Variants in DMXL1 observed in about 807,000 individuals in gnomAD.
The protein encoded by DMXL1 is Dmx like 1.
Under a neutral mutation model 319.2 loss-of-function variants are expected in DMXL1, and 99 were observed. The ratio of observed to expected loss-of-function variants is 0.31; its 90% CI spans 0.26 to 0.37. The LOEUF (loss-of-function observed/expected upper bound fraction) is 0.37, where lower values mean the gene tolerates loss of function less well. DMXL1 is among the 10% of genes least tolerant of loss of function. The pLI, the probability that DMXL1 is intolerant of heterozygous loss-of-function variation, is 1.00. For missense variants in DMXL1, 3,745 were observed against 3,595.6 expected (o/e 1.04, Z -1.06); for synonymous variants, 1,385 against 1,235.2 (o/e 1.12, Z -2.54).
chr5:119,073,323 A>G lies in DMXL1; in HGVS notation c.87+1667A>G, dbSNP rs550811999. 3.3e-5 allele frequency among the ~76,000 whole-genome samples: 5 copies of G among 152,268 alleles called. No individual in the cohort carries two copies. In the South Asian group the frequency reaches 1.0e-3, roughly 32 times the overall value. ...GTGATCCTCCCACTTCAGCCTCCCA[A>G]AATGCTAGGATTAGAGGCGTGAGCC... On this transcript the variant is annotated intron_variant, in intron 1 of 43. Transcript: ENST00000539542.
chr5:119,086,947 GGAATTTAT>G (rs1366585149), intron 1 of DMXL1, among the ~76,000 whole-genome samples: 1 of 151,918 alleles, frequency 6.6e-6, no homozygotes, highest in East Asian at 1.9e-4. Context: ...TATGTGTCCA[GGAATTTAT>G]CCACTCACTT....
chr5:119,101,327 C>G (rs1757231142), intron 2 of DMXL1, among the ~76,000 whole-genome samples: 1 of 151,952 alleles, frequency 6.6e-6, no homozygotes. Context: ...ATCCCTGATT[C>G]ATTCATTTAA....
At chr5:119,234,784 A>G (rs1393681115) in intron 39 of DMXL1, among the ~76,000 whole-genome samples, 1 of 152,170 alleles carries the variant, frequency 6.6e-6, no homozygotes, top group Non-Finnish European at 1.5e-5. Flanking sequence ...TGCCAACAGT[A>G]TTATATAACA....
At chr5:119,132,821 T>C in intron 10 of DMXL1, 3 of 544,604 alleles carry the variant, frequency 5.5e-6, no homozygotes, top group East Asian at 4.2e-5. Flanking sequence ...AATGATACTT[T>C]TATTTTTTGA....
chr5:119,206,718 TA>T, intron 33 of DMXL1, 115 bp from the exon 34 acceptor site: 1 of 599,428 alleles, frequency 1.7e-6, no homozygotes, highest in Non-Finnish European at 2.8e-6. Context: ...TAACTCCATA[TA>T]ATGTTCTTTT....
At chr5:119,216,639 A>G (rs1296397426) in intron 34 of DMXL1, among the ~76,000 whole-genome samples, 2 of 152,196 alleles carry the variant, frequency 1.3e-5, no homozygotes, top group East Asian at 3.8e-4. Flanking sequence ...AATTAACTGT[A>G]TCTCGGGAGG....
intron 34 of DMXL1, among the ~76,000 whole-genome samples, chr5:119,210,757 G>GTTTTTTTTTTTTTTTTTTT: frequency 1.1e-5 from 1 of 89,778 alleles, no homozygotes; most frequent in African/African-American, 4.1e-5. Context: ...TTTTTCTTTC[G>GTTTTTTTTTTTTTTTTTTT]TTTTTTTTTT....
At chr5:119,222,596 T>C (rs1241396134) in intron 37 of DMXL1, among the ~76,000 whole-genome samples, 1 of 152,208 alleles carries the variant, frequency 6.6e-6, no homozygotes, top group Non-Finnish European at 1.5e-5. Flanking sequence ...ATCTTTCTTG[T>C]TGGTCTCTTC....
intron 13 of DMXL1, among the ~76,000 whole-genome samples, chr5:119,140,222 A>G (rs1024010914): frequency 6.6e-6 from 1 of 152,226 alleles, no homozygotes; most frequent in Non-Finnish European, 1.5e-5. Flanking sequence ...CTAGAGAAGG[A>G]AAAACAAATC....
At chr5:119,240,519 A>C in intron 42 of DMXL1, 48 bp downstream of exon 42, 2 of 1,247,706 alleles carry the variant, frequency 1.6e-6, no homozygotes, top group African/African-American at 3.0e-5. Context: ...GGAAATTCAT[A>C]AGCTAAATAT....
intron 1 of DMXL1, among the ~76,000 whole-genome samples, chr5:119,083,244 T>C (rs1300991680): frequency 6.6e-6 from 1 of 152,150 alleles, no homozygotes; most frequent in Non-Finnish European, 1.5e-5. Flanking sequence ...CAGGCTGGTC[T>C]CAAACTCCTG....
chr5:119,215,954 G>C (rs761944276), intron 34 of DMXL1, among the ~76,000 whole-genome samples: 1 of 151,722 alleles, frequency 6.6e-6, no homozygotes, highest in East Asian at 1.9e-4. Context: ...AACTTAGCCC[G>C]GTGTGGTGGC....
chr5:119,138,693 C>A (rs899711716), intron 13 of DMXL1, among the ~76,000 whole-genome samples: 1 of 152,052 alleles, frequency 6.6e-6, no homozygotes, highest in African/African-American at 2.4e-5. Context: ...AAAAATTAGC[C>A]AGATGTGGTG....
chr5:119,144,738 G>A, intron 15 of DMXL1, 100 bp downstream of exon 15: 1 of 667,342 alleles, frequency 1.5e-6, no homozygotes, highest in Non-Finnish European at 2.4e-6. Context: ...TCTATTTGAA[G>A]TAAAAATTGG....
At chr5:119,230,526 T>C (rs1786485681) in intron 38 of DMXL1, among the ~76,000 whole-genome samples, 1 of 152,192 alleles carries the variant, frequency 6.6e-6, no homozygotes, top group South Asian at 2.1e-4. Context: ...GCAGATTCTA[T>C]AGTTTTCCTT....
intron 19 of DMXL1, among the ~76,000 whole-genome samples, chr5:119,157,219 A>G (rs1279503655): frequency 6.6e-6 from 1 of 152,158 alleles, no homozygotes; most frequent in Non-Finnish European, 1.5e-5. Flanking sequence ...TATTTTGGAT[A>G]TTAACTCCTT....
At chr5:119,173,555 G>A (rs1292907864) in intron 25 of DMXL1, among the ~76,000 whole-genome samples, 2 of 151,048 alleles carry the variant, frequency 1.3e-5, no homozygotes, top group African/African-American at 4.9e-5. Context: ...ATTTCTGGTG[G>A]TTGGCGCATG....
chr5:119,152,743 C>T (rs1230444503), intron 19 of DMXL1, among the ~76,000 whole-genome samples: 1 of 152,152 alleles, frequency 6.6e-6, no homozygotes, highest in Non-Finnish European at 1.5e-5. Flanking sequence ...TTTGGCTCAT[C>T]TCCCGGGAAG....
intron 34 of DMXL1, among the ~76,000 whole-genome samples, chr5:119,215,125 A>G (rs1024352476): frequency 6.6e-6 from 1 of 152,228 alleles, no homozygotes; most frequent in Non-Finnish European, 1.5e-5. Context: ...TTGATCCTCA[A>G]GTCAGCCAGA....
Sources: allele counts gnomAD v4.1 joint callset (sites outside exome capture counted in the v4.1 genomes callset), GRCh38; gene constraint gnomAD v4.1.1; transcripts MANE v1.5; gene names NCBI Gene and HGNC (gene_info 2026-07-23, HGNC 2026-07-21).